Variants in PTCH1 observed in about 807,000 individuals in gnomAD.
PTCH1 encodes the protein protein patched homolog 1.
Under a neutral mutation model 144.6 loss-of-function variants are expected in PTCH1, and 14 were observed. That is an observed-to-expected ratio of 0.10 (90% CI 0.06 to 0.15). PTCH1 has a LOEUF of 0.15. Among genes scored for constraint, PTCH1 ranks in the 10% least tolerant of loss-of-function variants. The pLI is 1.00. For synonymous variants in PTCH1, 833 were observed against 793.6 expected, an observed-to-expected ratio of 1.05 and a Z score of -0.83; for missense variants, 1,623 against 1,948.3, an observed-to-expected ratio of 0.83 and a Z score of 3.14.
chr9:95,453,651 T>C (rs1168840574), intron 19 of PTCH1, 31 bp from the exon 20 acceptor site: 4 of 1,611,926 alleles, frequency 2.5e-6, no homozygotes, highest in Middle Eastern at 3.3e-4. Context: ...CAAGATCAGG[T>C]TGCTGGACTT....
Position 95,476,308 on chromosome 9 carries a change from C to T in PTCH1, c.1603-149G>A. ...AGGGAAACAGAGCCACCTGCCTTACCCCCTAACACCAGCATTATTCAGTAC... is the reference window on the plus strand; with the variant it reads ...AGGGAAACAGAGCCACCTGCCTTACTCCCTAACACCAGCATTATTCAGTAC... On this transcript the variant is annotated intron_variant, in intron 11 of 23. Coordinates refer to ENST00000331920, the MANE Select transcript of PTCH1 (RefSeq NM_000264.5). The surrounding 1 kb of genome is among the most constrained non-coding windows in gnomAD (Gnocchi z 4.6). 3 of 1,090,316 alleles carry T rather than the reference C, an allele frequency of 2.8e-6. No homozygotes were observed. The highest frequency in any genetic ancestry group is 2.6e-5 in the East Asian group (1 of 38,830). 67.5% of individuals were successfully genotyped at this position (1,090,316 alleles called of 1,614,324 possible).
At position 95,449,457 on chromosome 9, in the gene PTCH1, C is replaced by T; in HGVS notation, c.3550-134G>A. ...GCCCTGCGCACTGTGCCGTATTAAC[C>T]TCCCCTTCTCTACCACCTGGAGGAC... is the stretch of plus-strand genomic sequence containing the variant. On this transcript the variant is annotated intron_variant, in intron 21 of 23. Coordinates refer to ENST00000331920, the MANE Select transcript of PTCH1 (RefSeq NM_000264.5). This position sits in a 1 kb window ranked among gnomAD's most constrained non-coding sequence, Gnocchi z 5.3. 7.9e-7 allele frequency: 1 copy of T among 1,268,808 alleles called. No individual in the cohort carries two copies. The highest frequency in any genetic ancestry group is 1.1e-6 in the Non-Finnish European group (1 of 907,792). 78.6% of individuals were successfully genotyped at this position (1,268,808 alleles called of 1,614,324 possible). A position where few individuals can be genotyped will look rare whatever the true frequency, so the allele number is the denominator to read the frequency against.
rs2136604294 is a variant in PTCH1 at position 95,449,395 on chromosome 9, A to T, written c.3550-72T>A. ...GCTGGCCACACTCAAAGCTCAAAGC[A>T]CGGTATTTTTCAGGGGCCTCTGTTC... On this transcript the variant is annotated intron_variant, in intron 21 of 23. Transcript: ENST00000331920. The surrounding 1 kb of genome is among the most constrained non-coding windows in gnomAD (Gnocchi z 5.3). 7.8e-6 allele frequency: 12 copies of T among 1,533,260 alleles called. No individual in the cohort carries two copies. The highest frequency in any genetic ancestry group is 1.0e-5 in the Non-Finnish European group (12 of 1,143,388). The allele number at this position is 1,533,260 out of a possible 1,614,324, so 95.0% of individuals were successfully genotyped here. A position where few individuals can be genotyped will look rare whatever the true frequency, so the allele number is the denominator to read the frequency against.
chr9:95,515,819 C>A (rs1026384481), intron 1 of PTCH1, among the ~76,000 whole-genome samples: 15 of 152,212 alleles, frequency 9.9e-5, no homozygotes, highest in Non-Finnish European at 1.9e-4. Context: ...CCTTTTCCCG[C>A]AGCATGGGAG....
intron 15 of PTCH1, among the ~76,000 whole-genome samples, chr9:95,466,376 T>C (rs1264972861): frequency 6.6e-6 from 1 of 152,218 alleles, no homozygotes; most frequent in Admixed American, 6.5e-5. Context: ...AGAATTTAAT[T>C]ATTTATAAAA....
intron 12 of PTCH1, among the ~76,000 whole-genome samples, chr9:95,471,720 G>A (rs1044473495): frequency 1.3e-5 from 2 of 152,140 alleles, no homozygotes; most frequent in African/African-American, 4.8e-5. Context: ...CAGGCTTCCC[G>A]GGAGAGGCTT....
Position 95,485,656 on chromosome 9 carries a change from C to T in PTCH1, c.584+29G>A, listed in dbSNP as rs371882595. Reference sequence around the variant, plus strand: ...TTCTCCCACCGCCTTACCTGCTGCTCATTAGTAGGTGGACGCGGCGGGCCT... The same window carrying T: ...TTCTCCCACCGCCTTACCTGCTGCTTATTAGTAGGTGGACGCGGCGGGCCT... On this transcript the variant is annotated intron_variant, in intron 3 of 23. Transcript: ENST00000331920. 8.1e-6 allele frequency: 13 copies of T among 1,613,636 alleles called. No individual in the cohort carries two copies. The African/African-American group carries it at 1.1e-4, about 13-fold the overall frequency.
chr9:95,479,883 T>C (rs1841387811), intron 7 of PTCH1, 86 bp downstream of exon 7: 1 of 1,594,374 alleles, frequency 6.3e-7, no homozygotes, highest in Non-Finnish European at 8.6e-7. Context: ...TTAATACAAA[T>C]ACACTTGCCG....
exon 1 of PTCH1, chr9:95,516,545 C>T: frequency 9.1e-6 from 14 of 1,541,500 alleles, no homozygotes; most frequent in African/African-American, 1.4e-5. Context: ...CACATCAATT[C>T]CTTTTTTTTC....
At chr9:95,450,097 G>T in intron 20 of PTCH1, 157 bp from the exon 21 acceptor site, 1 of 718,810 alleles carries the variant, frequency 1.4e-6, no homozygotes. Context: ...TCAACACAAG[G>T]TGAGTTTTTG....
chr9:95,455,022 A>AATTGG (rs1461281977), intron 19 of PTCH1, among the ~76,000 whole-genome samples: 6 of 152,250 alleles, frequency 3.9e-5, no homozygotes, highest in Non-Finnish European at 7.3e-5. Context: ...CTCCCTTTTG[A>AATTGG]AGAACTGTAT....
At position 95,458,417 on chromosome 9, in the gene PTCH1, A is replaced by C. The variant is rs1301337556; in HGVS notation, c.2888-124T>G. 2.2e-5 allele frequency: 28 copies of C among 1,280,776 alleles called. No individual in the cohort carries two copies. The Admixed American group carries it at 5.2e-4, about 24-fold the overall frequency. 79.3% of individuals were successfully genotyped at this position (1,280,776 alleles called of 1,614,324 possible). Reference sequence around the variant, plus strand: ...TGCTCTTCTACATGATACAAAGAACAAACAATGCTGATCATAGCCTCCAGG... The same window carrying C: ...TGCTCTTCTACATGATACAAAGAACCAACAATGCTGATCATAGCCTCCAGG... On this transcript the variant is annotated intron_variant, in intron 17 of 23. Coordinates refer to ENST00000331920, the MANE Select transcript of PTCH1 (RefSeq NM_000264.5). The surrounding 1 kb of genome is among the most constrained non-coding windows in gnomAD (Gnocchi z 4.7).
upstream of PTCH1, among the ~76,000 whole-genome samples, chr9:95,511,206 C>T (rs1587705859): frequency 6.6e-6 from 1 of 150,896 alleles, no homozygotes; most frequent in Non-Finnish European, 1.5e-5. Context: ...CCGCAGGGGG[C>T]CCGTCCGCCG....
At chr9:95,465,168 T>C (rs1019401130) in intron 15 of PTCH1, among the ~76,000 whole-genome samples, 15 of 151,956 alleles carry the variant, frequency 9.9e-5, no homozygotes, top group African/African-American at 3.4e-4. Flanking sequence ...TATAAAAAGG[T>C]TAACCCTTTG....
At chr9:95,504,895 G>A (rs781056924) in intron 2 of PTCH1, among the ~76,000 whole-genome samples, 2 of 152,164 alleles carry the variant, frequency 1.3e-5, no homozygotes, top group African/African-American at 2.4e-5. Context: ...TTAACACAGT[G>A]CTAGGGACAT....
chr9:95,446,660 T>C (rs1451769781), intron 23 of PTCH1: 10 of 597,896 alleles, frequency 1.7e-5, no homozygotes, highest in South Asian at 1.9e-5. Context: ...GTTTGTGTCC[T>C]TGTGGCGCTG....
At chr9:95,494,156 C>T (rs1842637539) in intron 2 of PTCH1, 1 of 970,172 alleles carries the variant, frequency 1.0e-6, no homozygotes, top group Non-Finnish European at 1.2e-6. Context: ...CTGCAACGCG[C>T]ATGCGCCGGA....
chr9:95,462,046 G>C (rs1326061606), intron 15 of PTCH1, 48 bp from the exon 16 acceptor site: 4 of 1,612,738 alleles, frequency 2.5e-6, no homozygotes, highest in Non-Finnish European at 3.4e-6. Flanking sequence ...CAGCCAGAAG[G>C]ACCCTGGTCC....
intron 16 of PTCH1, 167 bp from the exon 17 acceptor site, chr9:95,459,950 A>G (rs746907498): frequency 1.3e-6 from 1 of 751,098 alleles, no homozygotes. Context: ...ATTTCTTTCA[A>G]TGTGCACTTA....
Sources: allele counts gnomAD v4.1 joint callset (sites outside exome capture counted in the v4.1 genomes callset), GRCh38; gene constraint gnomAD v4.1.1; non-coding constraint Gnocchi (gnomAD v3.1); transcripts MANE v1.5; gene names NCBI Gene and HGNC (gene_info 2026-07-23, HGNC 2026-07-21).